ZDHHC18: variants seen among roughly 807,000 people sequenced by gnomAD.
ZDHHC18 encodes the protein zDHHC palmitoyltransferase 18.
Under a neutral mutation model 37.5 loss-of-function variants are expected in ZDHHC18, and 23 were observed. The ratio of observed to expected loss-of-function variants is 0.61; its 90% confidence interval spans 0.44 to 0.87. The LOEUF (loss-of-function observed/expected upper bound fraction) is 0.87, where lower values mean the gene tolerates loss of function less well. Among genes scored for constraint, ZDHHC18 ranks in the 40% least tolerant of loss-of-function variants. The pLI is 0.00. For missense variants in ZDHHC18, 406 were observed against 525.6 expected (o/e 0.77, Z 2.22); for synonymous variants, 185 against 218.7 (o/e 0.85, Z 1.36).
chr1:26,853,169 G>A (rs1368499878), intron 7 of ZDHHC18: 8 of 295,008 alleles, frequency 2.7e-5, no homozygotes, highest in Non-Finnish European at 4.5e-5. Flanking sequence ...CTGCCCTTCC[G>A]GTTGCCCACT....
intron 1 of ZDHHC18, among the ~76,000 whole-genome samples, chr1:26,831,585 C>T (rs1206039985): frequency 6.6e-6 from 1 of 152,204 alleles, no homozygotes; most frequent in Non-Finnish European, 1.5e-5. Flanking sequence ...TGAAGCCATT[C>T]TCCCACCAGT....
At chr1:26,844,594 C>T (rs557481682) in intron 2 of ZDHHC18, among the ~76,000 whole-genome samples, 23 of 152,212 alleles carry the variant, frequency 1.5e-4, no homozygotes, top group African/African-American at 5.3e-4. Flanking sequence ...GTTTTCTGGG[C>T]GTGCATATGT....
At position 26,853,967 on chromosome 1, in the gene ZDHHC18, C is replaced by A; in HGVS notation, c.*124C>A. On this transcript the variant is annotated 3_prime_UTR_variant, in exon 8 of 8. Coordinates refer to ENST00000374142, the MANE Select transcript of ZDHHC18 (RefSeq NM_032283.3). ...GACTCAAGTCTTTTCATATTTATTT[C>A]CCATCCTGCGTGGCTTTCCCTGAAC... 1.1e-6 allele frequency: 1 copy of A among 900,094 alleles called. No individual in the cohort carries two copies. Among genetic ancestry groups the A allele is most frequent in the Non-Finnish European group, 1.7e-6 (1 of 574,166 alleles). 55.8% of individuals were successfully genotyped at this position (900,094 alleles called of 1,614,324 possible).
chr1:26,827,653 C>T (rs2081564843), intron 1 of ZDHHC18, among the ~76,000 whole-genome samples: 1 of 152,168 alleles, frequency 6.6e-6, no homozygotes, highest in South Asian at 2.1e-4. Context: ...ACATCCTAGT[C>T]ATCCTCGCTG....
intron 2 of ZDHHC18, 109 bp from the exon 3 acceptor site, chr1:26,848,499 C>A: frequency 7.0e-7 from 1 of 1,429,024 alleles, no homozygotes; most frequent in Non-Finnish European, 9.6e-7. Context: ...GAACCTGTTA[C>A]CCTGAGGCTT....
intron 2 of ZDHHC18, among the ~76,000 whole-genome samples, chr1:26,837,303 C>T (rs1435754487): frequency 6.8e-6 from 1 of 145,996 alleles, no homozygotes; most frequent in Non-Finnish European, 1.5e-5. Flanking sequence ...ATATTTACTA[C>T]ATATGTATAA....
In ZDHHC18 at chr1:26,829,441, G is replaced by A. The variant is rs139939976; in HGVS notation, c.335+2302G>A. 1.8e-3 allele frequency among the ~76,000 whole-genome samples: 277 copies of A among 151,940 alleles called. 3 individuals are homozygous for A. The highest frequency in any genetic ancestry group is 6.2e-3 in the African/African-American group (255 of 41,400). On this transcript the variant is annotated intron_variant, in intron 1 of 7. Coordinates refer to ENST00000374142, the MANE Select transcript of ZDHHC18 (RefSeq NM_032283.3). ...TCCTCCGTGCACACTCCTACCTCTGGGCCAGTGCTTGGAATCCCCTTCCTG... is the reference window on the plus strand; with the variant it reads ...TCCTCCGTGCACACTCCTACCTCTGAGCCAGTGCTTGGAATCCCCTTCCTG...
At chr1:26,843,883 G>C (rs982004358) in intron 2 of ZDHHC18, among the ~76,000 whole-genome samples, 2 of 152,136 alleles carry the variant, frequency 1.3e-5, no homozygotes, top group Non-Finnish European at 2.9e-5. Flanking sequence ...TCAAGAAACA[G>C]TATATGACTG....
intron 2 of ZDHHC18, among the ~76,000 whole-genome samples, chr1:26,832,880 C>G (rs1469601560): frequency 6.6e-6 from 1 of 152,246 alleles, no homozygotes; most frequent in Admixed American, 6.5e-5. Flanking sequence ...GTTTTAAGCT[C>G]TTTATATGCA....
At chr1:26,848,003 G>T (rs575051597) in intron 2 of ZDHHC18, among the ~76,000 whole-genome samples, 2 of 152,190 alleles carry the variant, frequency 1.3e-5, no homozygotes, top group East Asian at 3.9e-4. Flanking sequence ...ATAGGTCTAG[G>T]CTTGATGAGA....
chr1:26,847,602 G>C (rs1490595298), intron 2 of ZDHHC18, among the ~76,000 whole-genome samples: 1 of 152,098 alleles, frequency 6.6e-6, no homozygotes, highest in African/African-American at 2.4e-5. Flanking sequence ...TTCAAAATAA[G>C]ATCCATGATG....
At chr1:26,837,996 T>TTGCTTTTTTTTTTTTTTAAGACAGGG (rs2081621494) in intron 2 of ZDHHC18, among the ~76,000 whole-genome samples, 1 of 151,296 alleles carries the variant, frequency 6.6e-6, no homozygotes, top group East Asian at 1.9e-4. Context: ...CTTTTGTTGC[T>TTGCTTTTTTTTTTTTTTAAGACAGGG]TGCTTTTTTT....
intron 2 of ZDHHC18, among the ~76,000 whole-genome samples, chr1:26,842,866 C>A (rs1395574130): frequency 6.6e-6 from 1 of 152,242 alleles, no homozygotes; most frequent in East Asian, 1.9e-4. Context: ...AGGCCAGTGG[C>A]CAAACTGGAG....
At chr1:26,836,759 G>A (rs1212416689) in intron 2 of ZDHHC18, among the ~76,000 whole-genome samples, 2 of 148,898 alleles carry the variant, frequency 1.3e-5, no homozygotes, top group African/African-American at 4.9e-5. Flanking sequence ...TAGTAGAGAC[G>A]GGGTTTCACT....
chr1:26,835,989 C>G (rs1008230302), intron 2 of ZDHHC18, among the ~76,000 whole-genome samples: 2 of 152,190 alleles, frequency 1.3e-5, no homozygotes, highest in Non-Finnish European at 2.9e-5. Flanking sequence ...CCTGGAAAGT[C>G]TCCTGTCTTA....
chr1:26,834,774 ACAGT>A (rs1180125729), intron 2 of ZDHHC18, among the ~76,000 whole-genome samples: 2 of 152,196 alleles, frequency 1.3e-5, no homozygotes, highest in East Asian at 1.9e-4. Context: ...AGGTGAGGAA[ACAGT>A]CAGGACATCT....
chr1:26,826,832 A>C lies in ZDHHC18; in HGVS notation c.28A>C (p.Ser10Arg), dbSNP rs1570662856. Residue 10 changes from serine (S) to arginine (R), a missense_variant, in exon 1 of 8, where the codon AGC (serine) becomes CGC (arginine). Ser to Arg is a moderately radical substitution (Grantham distance 110). Coordinates refer to ENST00000374142, the MANE Select transcript of ZDHHC18 (RefSeq NM_032283.3). This position sits in a 1 kb window ranked among gnomAD's most constrained non-coding sequence, Gnocchi z 5.2. ...GAAGGACTGCGAGTACCAGCAGATCAGCCCCGGGGCCGCCCCGCTGCCCGC... is the reference window on the plus strand; with the variant it reads ...GAAGGACTGCGAGTACCAGCAGATCCGCCCCGGGGCCGCCCCGCTGCCCGC... MKDCEYQQI[S>R]PGAAPLPASP... 1.0e-6 allele frequency: 1 copy of C among 980,494 alleles called. No homozygotes were observed. 60.7% of individuals were successfully genotyped at this position (980,494 alleles called of 1,614,324 possible). A position where few individuals can be genotyped will look rare whatever the true frequency, so the allele number is the denominator to read the frequency against.
At chr1:26,836,843 C>T (rs1253467064) in intron 2 of ZDHHC18, among the ~76,000 whole-genome samples, 1 of 149,468 alleles carries the variant, frequency 6.7e-6, no homozygotes, top group Non-Finnish European at 1.5e-5. Flanking sequence ...GCTGGGATTA[C>T]AGGCATGAGC....
chr1:26,851,654 G>C (rs1306439655), intron 6 of ZDHHC18, among the ~76,000 whole-genome samples: 1 of 152,234 alleles, frequency 6.6e-6, no homozygotes, highest in Non-Finnish European at 1.5e-5. Context: ...TCCCATGTCT[G>C]AGAGGTCACA....
Sources: allele counts gnomAD v4.1 joint callset (sites outside exome capture counted in the v4.1 genomes callset), GRCh38; gene constraint gnomAD v4.1.1; non-coding constraint Gnocchi (gnomAD v3.1); transcripts MANE v1.5; gene names NCBI Gene and HGNC (gene_info 2026-07-23, HGNC 2026-07-21).